Variants in PTPRT observed in about 807,000 individuals in gnomAD.
PTPRT encodes protein tyrosine phosphatase receptor type T.
A neutral mutation model predicts 176.8 loss-of-function variants in PTPRT; 56 were observed. The observed-to-expected ratio is 0.32, with a 90% CI of 0.26 to 0.40. The LOEUF (loss-of-function observed/expected upper bound fraction) is 0.40, where lower values mean the gene tolerates loss of function less well. Ranked by LOEUF, PTPRT falls within the 10% of genes least tolerant of loss-of-function variation. The pLI is 1.00. For missense variants in PTPRT, 1,540 were observed against 1,908.2 expected (o/e 0.81, Z 3.60); for synonymous variants, 783 against 739.0 (o/e 1.06, Z -0.96).
rs114413785 is a variant in PTPRT, at chr20:42,781,061, T to C, written c.487-762A>G. On this transcript the variant is annotated intron_variant, in intron 3 of 30. Coordinates refer to ENST00000373187, the MANE Select transcript of PTPRT (RefSeq NM_007050.6). ...GGAAATTGGAAATTCCATTTTCCCA[T>C]ACTCCGGCACAGTCTCTACCGACAG... Among the ~76,000 whole-genome samples the C allele has an allele frequency of 7.9e-3, 1,200 of 152,256 alleles. 17 individuals carry two copies. The highest frequency in any genetic ancestry group is 0.028 in the African/African-American group (1,161 of 41,552).
intron 20 of PTPRT, among the ~76,000 whole-genome samples, chr20:42,119,013 G>GA (rs11415242): frequency 0.11 from 3,097 of 29,194 alleles, 681 homozygotes; most frequent in African/African-American, 0.12. Context: ...AGAAAGGAAG[G>GA]AAAAAAAAAA....
chr20:42,821,509 G>A (rs1341555277), intron 2 of PTPRT, among the ~76,000 whole-genome samples: 1 of 152,132 alleles, frequency 6.6e-6, no homozygotes, highest in Non-Finnish European at 1.5e-5. Flanking sequence ...TACAGACAAG[G>A]ATGCCTCCTC....
At chr20:42,395,414 C>T (rs1014565697) in intron 9 of PTPRT, among the ~76,000 whole-genome samples, 7 of 152,306 alleles carry the variant, frequency 4.6e-5, no homozygotes, top group African/African-American at 9.6e-5. Flanking sequence ...ATTTACCAAA[C>T]GTCATCCCAA....
intron 7 of PTPRT, among the ~76,000 whole-genome samples, chr20:42,553,493 T>C (rs2072804606): frequency 6.6e-6 from 1 of 152,074 alleles, no homozygotes; most frequent in African/African-American, 2.4e-5. Flanking sequence ...CCCAACACTT[T>C]TTCTTTTTCT....
At chr20:42,327,524 C>T (rs1188188783) in intron 11 of PTPRT, among the ~76,000 whole-genome samples, 1 of 151,810 alleles carries the variant, frequency 6.6e-6, no homozygotes. Flanking sequence ...ATAGGAGATA[C>T]AAACTAAAGG....
intron 19 of PTPRT, among the ~76,000 whole-genome samples, chr20:42,121,112 G>T (rs924615210): frequency 6.6e-6 from 1 of 152,172 alleles, no homozygotes; most frequent in African/African-American, 2.4e-5. Flanking sequence ...CCACAGATGT[G>T]GCATCTCTAA....
chr20:43,180,986 T>A (rs76722772), intron 1 of PTPRT, among the ~76,000 whole-genome samples: 6,482 of 152,240 alleles, frequency 0.043, 189 homozygotes, highest in Non-Finnish European at 0.066. Context: ...GGACTGTGAC[T>A]TCCATCTTGC....
chr20:42,460,993 G>A (rs916847484), intron 8 of PTPRT, among the ~76,000 whole-genome samples: 12 of 151,902 alleles, frequency 7.9e-5, no homozygotes, highest in Non-Finnish European at 1.5e-4. Context: ...GATCACCTTG[G>A]GTAACACAAT....
chr20:42,816,276 A>G (rs1048043926), intron 2 of PTPRT, among the ~76,000 whole-genome samples: 10 of 152,216 alleles, frequency 6.6e-5, no homozygotes, highest in African/African-American at 2.4e-4. Context: ...CTTCAACCTT[A>G]AAGGTAGGAG....
chr20:42,225,796 G>A (rs747392592), intron 15 of PTPRT, among the ~76,000 whole-genome samples: 1 of 152,142 alleles, frequency 6.6e-6, no homozygotes, highest in Non-Finnish European at 1.5e-5. Context: ...GGGACTGGAG[G>A]TGTGCACCAC....
At chr20:42,412,532 C>T (rs1358808348) in intron 9 of PTPRT, among the ~76,000 whole-genome samples, 3 of 152,042 alleles carry the variant, frequency 2.0e-5, no homozygotes, top group Non-Finnish European at 2.9e-5. Context: ...TACATATAAC[C>T]CAGAAAATCA....
chr20:42,427,777 T>A (rs1008147217), intron 9 of PTPRT, among the ~76,000 whole-genome samples: 1 of 152,190 alleles, frequency 6.6e-6, no homozygotes. Context: ...CCTTAACTGA[T>A]GACATTCCAC....
At chr20:42,574,245 T>G (rs2073217071) in intron 7 of PTPRT, among the ~76,000 whole-genome samples, 1 of 152,170 alleles carries the variant, frequency 6.6e-6, no homozygotes, top group Admixed American at 6.5e-5. Flanking sequence ...ATTCTTTAAC[T>G]GGCAATTCCC....
chr20:42,496,668 T>C (rs2071660210), intron 7 of PTPRT, among the ~76,000 whole-genome samples: 1 of 150,784 alleles, frequency 6.6e-6, no homozygotes, highest in Admixed American at 6.6e-5. Context: ...ATATCCACAA[T>C]CTCTTTCATA....
chr20:42,104,617 G>C lies in PTPRT; in HGVS notation c.3492C>G (p.Ser1164Arg). ...CEFRSLYYNISRLDPQTNSSQ... is the reference protein window; with the variant it reads ...CEFRSLYYNIRRLDPQTNSSQ... ...TGGAGTTTGTCTGGGGGTCCAGCCT[G>C]CTGATATTGTAGTAGAGAGAACGGA... Residue 1164 changes from serine (S) to arginine (R), a missense_variant, in exon 25 of 31, where the codon AGC becomes AGG. Ser to Arg is a moderately radical substitution (Grantham distance 110). Around this residue, in one of 11 missense-constraint regions of PTPRT, gnomAD observed 342 missense variants for 394.0 expected, o/e 0.87. Transcript: ENST00000373187. The C allele has an allele frequency of 6.2e-7, 1 of 1,612,040 alleles. No homozygotes were observed. The highest frequency in any genetic ancestry group is 8.5e-7 in the Non-Finnish European group (1 of 1,178,112).
rs558876111 is a variant in PTPRT, at chr20:42,804,329, C to T, written c.215-12863G>A. The stretch of plus-strand genomic sequence containing the variant: ...TGTACCAAAATGCACTTTGGACTAT[C>T]CCCCTTGACCACAATGCAGACCCCA... On this transcript the variant is annotated intron_variant, in intron 2 of 30. Transcript: ENST00000373187. Among the ~76,000 whole-genome samples, 38 of 152,240 alleles carry T rather than the reference C, an allele frequency of 2.5e-4. 1 individual carries two copies. Among genetic ancestry groups the T allele is most frequent in the Non-Finnish European group, 5.0e-4 (34 of 68,026 alleles).
chr20:42,745,046 A>C (rs2076672554), intron 6 of PTPRT, among the ~76,000 whole-genome samples: 1 of 152,176 alleles, frequency 6.6e-6, no homozygotes, highest in South Asian at 2.1e-4. Flanking sequence ...GATCTCGGAA[A>C]TGGGGAGTCA....
At chr20:42,297,333 G>A (rs2057401934) in intron 12 of PTPRT, among the ~76,000 whole-genome samples, 1 of 152,086 alleles carries the variant, frequency 6.6e-6, no homozygotes, top group Non-Finnish European at 1.5e-5. Flanking sequence ...CTTGCTAATA[G>A]CAAGAACACA....
chr20:42,208,469 C>CA (rs536249322), intron 15 of PTPRT, among the ~76,000 whole-genome samples: 6 of 150,806 alleles, frequency 4.0e-5, no homozygotes, highest in African/African-American at 1.2e-4. Context: ...AAATGGAAAA[C>CA]AAAAAAAAGG....
Sources: allele counts gnomAD v4.1 joint callset (sites outside exome capture counted in the v4.1 genomes callset), GRCh38; gene constraint gnomAD v4.1.1; regional missense constraint gnomAD v4.1.1; transcripts MANE v1.5; gene names NCBI Gene and HGNC (gene_info 2026-07-23, HGNC 2026-07-21).